SACM1L: variants seen among roughly 807,000 people sequenced by gnomAD.
SACM1L encodes phosphatidylinositol-3-phosphatase SAC1.
SACM1L carries 32 observed loss-of-function variants against 89.5 expected under a neutral mutation model. That is an observed-to-expected ratio of 0.36 (90% CI 0.27 to 0.48). The LOEUF (loss-of-function observed/expected upper bound fraction) is 0.48, where lower values mean the gene tolerates loss of function less well. Ranked by LOEUF, SACM1L falls within the 20% of genes least tolerant of loss-of-function variation. The pLI is 0.99. For missense variants in SACM1L, 543 were observed against 708.5 expected (o/e 0.77, Z 2.65); for synonymous variants, 213 against 232.8 (o/e 0.92, Z 0.77).
intron 7 of SACM1L, among the ~76,000 whole-genome samples, chr3:45,718,330 A>G (rs62242215): frequency 0.14 from 21,837 of 152,090 alleles, 1,692 homozygotes; most frequent in African/African-American, 0.2. Flanking sequence ...TTCAGACTAA[A>G]CAAGAATTTG....
At chr3:45,692,441 A>C (rs1248178425) in intron 1 of SACM1L, among the ~76,000 whole-genome samples, 2 of 151,988 alleles carry the variant, frequency 1.3e-5, no homozygotes, top group East Asian at 3.9e-4. Flanking sequence ...CTCTCACCTC[A>C]GCCCCCAAAG....
chr3:45,701,730 C>A (rs955036746), intron 1 of SACM1L, among the ~76,000 whole-genome samples: 27 of 152,142 alleles, frequency 1.8e-4, no homozygotes, highest in African/African-American at 6.5e-4. Context: ...TTGAACGTAT[C>A]CGTCACCCTG....
chr3:45,721,984 T>A lies in SACM1L; in HGVS notation c.680-16T>A, dbSNP rs757840486. The A allele has an allele frequency of 3.2e-6, 5 of 1,552,648 alleles. No individual in the cohort carries two copies. Among genetic ancestry groups the A allele is most frequent in the Non-Finnish European group, 4.4e-6 (5 of 1,127,470 alleles). On this transcript the variant is annotated splice_polypyrimidine_tract_variant and intron_variant, in intron 8 of 19. Coordinates refer to ENST00000389061, the MANE Select transcript of SACM1L (RefSeq NM_014016.5). ...TGTAATCAGTATAGTTAATTCTTAA[T>A]TTTTTTTCTATTTAGGAATTGATTC...
At chr3:45,739,919 AG>A (rs1272107884) in intron 19 of SACM1L, 1 of 467,882 alleles carries the variant, frequency 2.1e-6, no homozygotes, top group Non-Finnish European at 3.8e-6. Flanking sequence ...CAGTCAGTTT[AG>A]AGGCTTAATT....
At chr3:45,704,831 TC>T (rs1432833576) in intron 2 of SACM1L, among the ~76,000 whole-genome samples, 1 of 152,248 alleles carries the variant, frequency 6.6e-6, no homozygotes, top group Non-Finnish European at 1.5e-5. Flanking sequence ...GCTGACAGTT[TC>T]TTAGCCAGTT....
At chr3:45,698,284 G>A (rs1288708973) in intron 1 of SACM1L, among the ~76,000 whole-genome samples, 1 of 152,190 alleles carries the variant, frequency 6.6e-6, no homozygotes, top group Admixed American at 6.5e-5. Context: ...TGCTGTTATG[G>A]TTAACAGAAT....
intron 7 of SACM1L, among the ~76,000 whole-genome samples, chr3:45,716,355 C>T (rs1698661180): frequency 1.3e-5 from 2 of 152,196 alleles, no homozygotes; most frequent in South Asian, 4.2e-4. Flanking sequence ...GCCTGTAGTC[C>T]CACCTGCTCA....
At chr3:45,723,829 G>A (rs1473341657) in intron 11 of SACM1L, among the ~76,000 whole-genome samples, 2 of 151,942 alleles carry the variant, frequency 1.3e-5, no homozygotes, top group African/African-American at 2.4e-5. Context: ...CATGTAAGTG[G>A]AATAATACAA....
chr3:45,711,273 G>T (rs1698522123), intron 5 of SACM1L, among the ~76,000 whole-genome samples: 1 of 152,106 alleles, frequency 6.6e-6, no homozygotes, highest in Non-Finnish European at 1.5e-5. Flanking sequence ...GGTGGCAGAG[G>T]CTAAGCTGCA....
chr3:45,723,578 G>T, intron 11 of SACM1L, 35 bp downstream of exon 11: 2 of 1,189,982 alleles, frequency 1.7e-6, no homozygotes, highest in Non-Finnish European at 2.3e-6. Context: ...GGAAAAAAAA[G>T]CCTTAACTTT....
chr3:45,704,370 C>T (rs777957856), intron 2 of SACM1L, among the ~76,000 whole-genome samples: 2 of 152,002 alleles, frequency 1.3e-5, no homozygotes, highest in African/African-American at 2.4e-5. Context: ...ACAAGTATGG[C>T]TATAAAATTT....
intron 8 of SACM1L, 62 bp downstream of exon 8, chr3:45,719,663 A>G (rs1575400680): frequency 2.2e-6 from 2 of 910,694 alleles, no homozygotes; most frequent in Admixed American, 2.5e-5. Flanking sequence ...GGTGACACGA[A>G]TGTAACCTTT....
At chr3:45,738,427 A>G (rs1214220161) in intron 16 of SACM1L, 151 bp from the exon 17 acceptor site, 5 of 581,822 alleles carry the variant, frequency 8.6e-6, no homozygotes, top group Non-Finnish European at 1.5e-5. Context: ...TGGACCTACA[A>G]GTGATTTCTT....
chr3:45,729,383 C>T (rs1229038086), intron 11 of SACM1L, among the ~76,000 whole-genome samples: 1 of 152,158 alleles, frequency 6.6e-6, no homozygotes, highest in African/African-American at 2.4e-5. Flanking sequence ...CTATGCCCAG[C>T]CTGTTGGAAA....
intron 1 of SACM1L, among the ~76,000 whole-genome samples, chr3:45,691,901 C>A (rs1423683375): frequency 1.3e-5 from 2 of 152,240 alleles, no homozygotes; most frequent in Non-Finnish European, 2.9e-5. Flanking sequence ...TTCCTGCTTA[C>A]AATTTCCAGT....
rs1699277281 is a variant in SACM1L at position 45,739,791 on chromosome 3, G to T, written c.1627+147G>T. ...ATGTGACATTAGATTGTCATTAGAT[G>T]TGACAGGAAGAAAAATAACATACCT... is the stretch of plus-strand genomic sequence containing the variant. On this transcript the variant is annotated intron_variant, in intron 19 of 19. Coordinates refer to ENST00000389061, the MANE Select transcript of SACM1L (RefSeq NM_014016.5). 7 of 737,882 alleles carry T rather than the reference G, an allele frequency of 9.5e-6. No individual in the cohort carries two copies. In the East Asian group the frequency reaches 1.7e-4, roughly 18 times the overall value. The allele number at this position is 737,882 out of a possible 1,614,324, so 45.7% of individuals were successfully genotyped here.
At position 45,706,638 on chromosome 3, in the gene SACM1L, TG is replaced by T. The variant is rs1250396846; in HGVS notation, c.206-141del. 5.9e-6 allele frequency: 3 copies of T among 512,490 alleles called. No homozygotes were observed. In the Admixed American group the frequency reaches 1.2e-4, roughly 20 times the overall value. 31.7% of individuals were successfully genotyped at this position (512,490 alleles called of 1,614,324 possible). ...CCTTTCTATTCATAAATTGTAAGGT[TG>T]CTTTAAAAATGGGCCTTTTATCTGA... On this transcript the variant is annotated intron_variant, in intron 3 of 19. Coordinates refer to ENST00000389061, the MANE Select transcript of SACM1L (RefSeq NM_014016.5).
At chr3:45,723,005 G>A (rs77926264) in intron 10 of SACM1L, 50 bp downstream of exon 10, 32,129 of 1,327,330 alleles carry the variant, frequency 0.024, 494 homozygotes, top group Non-Finnish European at 0.028. Context: ...AAGCTTAATA[G>A]CATTATAATT....
Position 45,722,080 on chromosome 3 carries a change from G to A in SACM1L, c.760G>A (p.Val254Ile). The change falls in exon 9 of 20, where the codon GTA becomes ATA. Residue 254 changes from valine (V) to isoleucine (I), a missense_variant. Val to Ile is a conservative substitution (Grantham distance 29, BLOSUM62 3). Coordinates refer to ENST00000389061, the MANE Select transcript of SACM1L (RefSeq NM_014016.5). ...VHYNGSKASF[V>I]QTRGSIPVFW... ...CTACAATGGGAGCAAAGCTTCGTTTGTACAGGCAAGTTGTTATGTCTGTTA... is the reference window on the plus strand; with the variant it reads ...CTACAATGGGAGCAAAGCTTCGTTTATACAGGCAAGTTGTTATGTCTGTTA... The A allele has an allele frequency of 6.2e-7, 1 of 1,605,480 alleles. No individual in the cohort carries two copies.
Sources: gnomAD v4.1 joint callset for allele counts (sites outside exome capture counted in the v4.1 genomes callset) on GRCh38, gnomAD v4.1.1 for gene constraint, MANE v1.5 for transcripts, NCBI Gene and HGNC (gene_info 2026-07-23, HGNC 2026-07-21) for gene names.